The following REEP1 variants were observed in gnomAD, a reference collection of about 807,000 sequenced individuals.
The protein encoded by REEP1 is receptor expression-enhancing protein 1.
REEP1 carries 22 observed loss-of-function variants against 40.3 expected under a neutral mutation model. That is an observed-to-expected ratio of 0.55 (90% confidence interval 0.39 to 0.78). REEP1 has a LOEUF of 0.78. Among genes scored for constraint, REEP1 ranks in the 30% least tolerant of loss-of-function variants. REEP1 has a pLI of 0.00. For missense variants in REEP1, 280 were observed against 361.1 expected (o/e 0.78, Z 1.82); for synonymous variants, 116 against 139.2 (o/e 0.83, Z 1.17).
chr2:86,281,047 G>C (rs1375296224), intron 2 of REEP1, among the ~76,000 whole-genome samples: 1 of 152,168 alleles, frequency 6.6e-6, no homozygotes, highest in African/African-American at 2.4e-5. Flanking sequence ...TCATTCAAAT[G>C]TCAGAGCCAG....
intron 5 of REEP1, among the ~76,000 whole-genome samples, chr2:86,246,708 CT>C (rs5832675): frequency 0.52 from 72,441 of 139,442 alleles, 18,293 homozygotes; most frequent in East Asian, 0.64. Flanking sequence ...TTTCTTTTTT[CT>C]TTTTTTTTTT....
chr2:86,262,969 T>C (rs985632371), intron 3 of REEP1, among the ~76,000 whole-genome samples: 2 of 152,184 alleles, frequency 1.3e-5, no homozygotes, highest in Admixed American at 1.3e-4. Flanking sequence ...AATAGCTGCA[T>C]TGCTGATAAG....
chr2:86,268,988 A>T (rs1677295320), intron 2 of REEP1, among the ~76,000 whole-genome samples: 1 of 152,210 alleles, frequency 6.6e-6, no homozygotes, highest in African/African-American at 2.4e-5. Context: ...AGATTAACTC[A>T]AAATGGATCA....
chr2:86,274,947 A>T (rs879743119), intron 2 of REEP1, among the ~76,000 whole-genome samples: 2 of 152,262 alleles, frequency 1.3e-5, no homozygotes, highest in Non-Finnish European at 2.9e-5. Context: ...ATTCTACCCC[A>T]CTGCCAGAGC....
chr2:86,230,287 G>C (rs1013773394), intron 6 of REEP1, among the ~76,000 whole-genome samples: 28 of 152,258 alleles, frequency 1.8e-4, no homozygotes, highest in African/African-American at 6.0e-4. Flanking sequence ...GACCCTGCCA[G>C]CTTCTTGCAT....
At position 86,226,245 on chromosome 2, in the gene REEP1, C is replaced by T. The variant is rs185622553; in HGVS notation, c.631+1118G>A. Among the ~76,000 whole-genome samples the T allele has an allele frequency of 3.3e-5, 5 of 152,034 alleles. No individual in the cohort carries two copies. The South Asian group carries it at 8.3e-4, about 25-fold the overall frequency. ...GGCCGGGAAGCAGGGATCTCATCTCCGTTTTAAGAGGAGGAACTGAAGCTC... is the reference window on the plus strand; with the variant it reads ...GGCCGGGAAGCAGGGATCTCATCTCTGTTTTAAGAGGAGGAACTGAAGCTC... On this transcript the variant is annotated intron_variant, in intron 7 of 8. Coordinates refer to ENST00000538924, the MANE Select transcript of REEP1 (RefSeq NM_001371279.1).
Position 86,337,513 on chromosome 2 carries a change from CG to C in REEP1, c.-4del. On this transcript the variant is annotated 5_prime_UTR_variant, in exon 1 of 9. Transcript: ENST00000538924. This position sits in a 1 kb window ranked among gnomAD's most constrained non-coding sequence, Gnocchi z 5.8. ...CTGGAGATGATCCATGACACCATGG[CG>C]GGCAGGCGGGCGGGCGAGGCCCGGG... 1 of 1,281,570 alleles carries C rather than the reference CG, an allele frequency of 7.8e-7. No individual in the cohort carries two copies. The highest frequency in any genetic ancestry group is 3.4e-5 in the East Asian group (1 of 29,708). 79.4% of individuals were successfully genotyped at this position (1,281,570 alleles called of 1,614,324 possible).
At chr2:86,333,724 C>T (rs1680877149) in intron 1 of REEP1, among the ~76,000 whole-genome samples, 1 of 152,172 alleles carries the variant, frequency 6.6e-6, no homozygotes, top group African/African-American at 2.4e-5. Context: ...ACATGCTCTC[C>T]CCAGTTTGAA....
intron 1 of REEP1, among the ~76,000 whole-genome samples, chr2:86,283,519 G>C (rs181826186): frequency 6.6e-6 from 1 of 152,202 alleles, no homozygotes; most frequent in Admixed American, 6.5e-5. Flanking sequence ...AGTTCACTGG[G>C]TATTGAGAGA....
At chr2:86,307,760 G>T (rs1679568506) in intron 1 of REEP1, among the ~76,000 whole-genome samples, 1 of 151,660 alleles carries the variant, frequency 6.6e-6, no homozygotes, top group South Asian at 2.1e-4. Flanking sequence ...AGAAAAAAAT[G>T]CTATTTACAA....
intron 7 of REEP1, among the ~76,000 whole-genome samples, chr2:86,221,151 G>A (rs1558866578): frequency 6.6e-6 from 1 of 152,104 alleles, no homozygotes; most frequent in African/African-American, 2.4e-5. Context: ...CACCGAATGT[G>A]CTCTCTCTCC....
At chr2:86,252,383 A>G (rs1227548006) in intron 4 of REEP1, among the ~76,000 whole-genome samples, 1 of 152,106 alleles carries the variant, frequency 6.6e-6, no homozygotes, top group African/African-American at 2.4e-5. Context: ...CATTCTACAC[A>G]CAGCCACTCA....
chr2:86,266,655 A>C (rs551626865), intron 2 of REEP1, among the ~76,000 whole-genome samples: 1 of 148,038 alleles, frequency 6.8e-6, no homozygotes, highest in Admixed American at 6.7e-5. Flanking sequence ...AAAAATAAAA[A>C]AAATAAAATA....
chr2:86,301,579 G>A (rs75112711), intron 1 of REEP1, among the ~76,000 whole-genome samples: 1,934 of 152,182 alleles, frequency 0.013, 46 homozygotes, highest in African/African-American at 0.043. Flanking sequence ...CCTATCTCTC[G>A]TCATGTTTAT....
intron 2 of REEP1, among the ~76,000 whole-genome samples, chr2:86,264,689 C>T (rs1024241603): frequency 2.0e-5 from 3 of 152,230 alleles, no homozygotes; most frequent in African/African-American, 7.2e-5. Context: ...CCTTAGTCTA[C>T]TCCTTCTGGC....
chr2:86,311,672 C>T (rs1376993624), intron 1 of REEP1, among the ~76,000 whole-genome samples: 2 of 152,144 alleles, frequency 1.3e-5, no homozygotes, highest in Admixed American at 6.5e-5. Context: ...AACCCTAATC[C>T]AGTATGAACT....
intron 2 of REEP1, among the ~76,000 whole-genome samples, chr2:86,267,199 C>T (rs1050665950): frequency 6.6e-6 from 1 of 152,116 alleles, no homozygotes; most frequent in African/African-American, 2.4e-5. Context: ...TTAATCCCCA[C>T]ATGTCAGAGG....
chr2:86,312,190 C>T (rs142147611), intron 1 of REEP1, among the ~76,000 whole-genome samples: 120 of 152,294 alleles, frequency 7.9e-4, no homozygotes, highest in African/African-American at 2.5e-3. Context: ...TCTACCTTTA[C>T]CACCTGAACT....
intron 1 of REEP1, among the ~76,000 whole-genome samples, chr2:86,316,281 G>A (rs944554867): frequency 1.3e-5 from 2 of 152,126 alleles, no homozygotes; most frequent in Admixed American, 1.3e-4. Flanking sequence ...GTTCACGCCT[G>A]TAATCCTAGC....
Sources: gnomAD v4.1 joint callset for allele counts (sites outside exome capture counted in the v4.1 genomes callset) on GRCh38, gnomAD v4.1.1 for gene constraint, Gnocchi (gnomAD v3.1) non-coding constraint, MANE v1.5 for transcripts, NCBI Gene and HGNC (gene_info 2026-07-23, HGNC 2026-07-21) for gene names.